Variants in CCBE1 observed in about 807,000 individuals in gnomAD.
CCBE1 encodes collagen and calcium-binding EGF domain-containing protein 1.
Under a neutral mutation model 50.0 loss-of-function variants are expected in CCBE1, and 37 were observed. The ratio of observed to expected loss-of-function variants is 0.74; its 90% CI spans 0.57 to 0.97. The LOEUF (loss-of-function observed/expected upper bound fraction) is 0.97, where lower values mean the gene tolerates loss of function less well. Among genes scored for constraint, CCBE1 ranks in the 50% least tolerant of loss-of-function variants. The probability of loss-of-function intolerance (pLI) is 0.00; values close to 1 mark genes in which losing one functional copy is unlikely to be tolerated. For synonymous variants in CCBE1, 234 were observed against 203.7 expected, an observed-to-expected ratio of 1.15 and a Z score of -1.27; for missense variants, 538 against 523.8, an observed-to-expected ratio of 1.03 and a Z score of -0.26.
chr18:59,670,594 T>C (rs2054418141), intron 2 of CCBE1, among the ~76,000 whole-genome samples: 1 of 152,188 alleles, frequency 6.6e-6, no homozygotes, highest in African/African-American at 2.4e-5. Context: ...AGTGGACCGG[T>C]CTATCTCTTC....
intron 2 of CCBE1, among the ~76,000 whole-genome samples, chr18:59,522,282 T>G (rs1317871742): frequency 1.3e-5 from 2 of 152,140 alleles, no homozygotes; most frequent in Admixed American, 6.5e-5. Context: ...ATGACAACAT[T>G]AAGTGAAACA....
chr18:59,543,848 A>AAAAAAAAG (rs1568197037), intron 2 of CCBE1, among the ~76,000 whole-genome samples: 8 of 134,148 alleles, frequency 6.0e-5, no homozygotes, highest in African/African-American at 2.4e-4. Context: ...AAAAAAAAAA[A>AAAAAAAAG]AAAAAAAAAA....
At chr18:59,575,734 G>T (rs1415941237) in intron 2 of CCBE1, among the ~76,000 whole-genome samples, 1 of 152,150 alleles carries the variant, frequency 6.6e-6, no homozygotes, top group East Asian at 1.9e-4. Context: ...GTCCTAAGTT[G>T]CAGTGGCTAG....
chr18:59,494,761 T>C (rs1434742334), intron 2 of CCBE1, among the ~76,000 whole-genome samples: 1 of 152,202 alleles, frequency 6.6e-6, no homozygotes, highest in African/African-American at 2.4e-5. Context: ...ACATGCTGCT[T>C]AATATGTTTT....
At chr18:59,599,693 G>C (rs1220860359) in intron 2 of CCBE1, among the ~76,000 whole-genome samples, 3 of 152,118 alleles carry the variant, frequency 2.0e-5, no homozygotes. Flanking sequence ...CTGTCTCTGT[G>C]TCTTAACTTT....
intron 2 of CCBE1, among the ~76,000 whole-genome samples, chr18:59,537,306 C>T (rs925549963): frequency 2.0e-5 from 3 of 152,114 alleles, no homozygotes; most frequent in Admixed American, 2.0e-4. Flanking sequence ...CAAAGTGTGG[C>T]TGATATGGTT....
At chr18:59,592,822 T>G (rs901483608) in intron 2 of CCBE1, among the ~76,000 whole-genome samples, 1 of 152,020 alleles carries the variant, frequency 6.6e-6, no homozygotes, top group Non-Finnish European at 1.5e-5. Flanking sequence ...TAAGGACGAG[T>G]GCACAGTCAG....
chr18:59,674,859 T>C (rs557270007), intron 2 of CCBE1, among the ~76,000 whole-genome samples: 43 of 152,300 alleles, frequency 2.8e-4, no homozygotes, highest in African/African-American at 1.0e-3. Flanking sequence ...AAATTTACAA[T>C]AGAAGTTATT....
intron 5 of CCBE1, among the ~76,000 whole-genome samples, chr18:59,459,726 C>T (rs924718366): frequency 1.3e-5 from 2 of 152,180 alleles, no homozygotes; most frequent in African/African-American, 4.8e-5. Flanking sequence ...GTTGATCGTG[C>T]AGATTTGTGT....
At chr18:59,611,484 C>G (rs1472945144) in intron 2 of CCBE1, among the ~76,000 whole-genome samples, 2 of 152,194 alleles carry the variant, frequency 1.3e-5, no homozygotes, top group Admixed American at 6.5e-5. Context: ...GTGGCTCATG[C>G]CTGTAACCAT....
At chr18:59,601,547 T>C (rs901001273) in intron 2 of CCBE1, among the ~76,000 whole-genome samples, 41 of 152,270 alleles carry the variant, frequency 2.7e-4, no homozygotes, top group African/African-American at 9.1e-4. Flanking sequence ...CCCACTCTCA[T>C]GTATGTCTTT....
At chr18:59,575,051 C>T (rs565431585) in intron 2 of CCBE1, among the ~76,000 whole-genome samples, 11 of 152,266 alleles carry the variant, frequency 7.2e-5, no homozygotes, top group South Asian at 2.1e-4. Context: ...GGCAGAGGAT[C>T]GGGGCGATTC....
rs149661983 is a variant in CCBE1 at position 59,655,368 on chromosome 18, G to A, written c.212+41261C>T. 3.3e-3 allele frequency among the ~76,000 whole-genome samples: 506 copies of A among 152,332 alleles called. 2 individuals carry two copies. Among genetic ancestry groups the A allele is most frequent in the African/African-American group, 0.011 (474 of 41,574 alleles). ...AGTCTTGCTCACTGGCTGGGGCAATGTCAGGAAAGGGTCCAGGAGACAGAG... is the reference window on the plus strand; with the variant it reads ...AGTCTTGCTCACTGGCTGGGGCAATATCAGGAAAGGGTCCAGGAGACAGAG... On this transcript the variant is annotated intron_variant, in intron 2 of 10. Coordinates refer to ENST00000439986, the MANE Select transcript of CCBE1 (RefSeq NM_133459.4).
At chr18:59,484,937 G>A (rs1047165668) in intron 2 of CCBE1, among the ~76,000 whole-genome samples, 4 of 152,154 alleles carry the variant, frequency 2.6e-5, no homozygotes, top group Admixed American at 2.0e-4. Context: ...CATTATTTAC[G>A]TACAATAAAG....
intron 2 of CCBE1, among the ~76,000 whole-genome samples, chr18:59,675,093 A>G (rs905895756): frequency 6.6e-6 from 1 of 152,202 alleles, no homozygotes; most frequent in Non-Finnish European, 1.5e-5. Flanking sequence ...TACAACACCC[A>G]AAGTTAAGAT....
intron 2 of CCBE1, among the ~76,000 whole-genome samples, chr18:59,615,220 T>A (rs973759859): frequency 6.6e-6 from 1 of 152,258 alleles, no homozygotes; most frequent in African/African-American, 2.4e-5. Flanking sequence ...TCTGATGGTA[T>A]AAACCGCTGG....
intron 2 of CCBE1, among the ~76,000 whole-genome samples, chr18:59,502,168 C>A (rs1010134064): frequency 6.6e-6 from 1 of 152,044 alleles, no homozygotes. Flanking sequence ...GGGGTCTGAG[C>A]ATGTCCTTTT....
intron 2 of CCBE1, among the ~76,000 whole-genome samples, chr18:59,610,452 C>T (rs2053553381): frequency 2.7e-5 from 4 of 146,662 alleles, no homozygotes; most frequent in African/African-American, 7.6e-5. Flanking sequence ...AGCCAACATA[C>T]CACTAGAACA....
At chr18:59,501,980 G>A (rs1913643951) in intron 2 of CCBE1, among the ~76,000 whole-genome samples, 1 of 152,112 alleles carries the variant, frequency 6.6e-6, no homozygotes, top group Non-Finnish European at 1.5e-5. Context: ...TGTATTTTTA[G>A]CACAGACAGC....
Sources: allele counts gnomAD v4.1 joint callset (sites outside exome capture counted in the v4.1 genomes callset), GRCh38; gene constraint gnomAD v4.1.1; transcripts MANE v1.5; gene names NCBI Gene and HGNC (gene_info 2026-07-23, HGNC 2026-07-21).